The following RNF182 variants were observed in gnomAD, a reference collection of about 807,000 sequenced individuals.
RNF182 encodes E3 ubiquitin-protein ligase RNF182.
In RNF182, 15 loss-of-function variants were observed where a neutral mutation model predicts 14.4. The ratio of observed to expected loss-of-function variants is 1.04; its 90% CI spans 0.70 to 1.60. RNF182 has a LOEUF of 1.60. Ranked by LOEUF, RNF182 falls within the 40% of genes most tolerant of loss-of-function variation. The probability of loss-of-function intolerance (pLI) is 0.00; values close to 1 mark genes in which losing one functional copy is unlikely to be tolerated. For synonymous variants in RNF182, 128 were observed against 122.9 expected (o/e 1.04, Z -0.27); for missense variants, 268 against 294.8 (o/e 0.91, Z 0.67).
At position 13,937,665 on chromosome 6, in the gene RNF182, G is replaced by T. The variant is rs77195769; in HGVS notation, c.-367+12642G>T. Reference sequence around the variant, plus strand: ...ATGTGTATGTGAGCATTTCTGTTGTGCATCTGTGTAGAAGTAGAAAGGTCA... The same window carrying T: ...ATGTGTATGTGAGCATTTCTGTTGTTCATCTGTGTAGAAGTAGAAAGGTCA... On this transcript the variant is annotated intron_variant, in intron 1 of 2. Coordinates refer to ENST00000488300, the MANE Select transcript of RNF182 (RefSeq NM_152737.4). Among the ~76,000 whole-genome samples the T allele has an allele frequency of 8.3e-3, 1,266 of 152,264 alleles. 13 individuals are homozygous for T. Among genetic ancestry groups the T allele is most frequent in the African/African-American group, 0.029 (1,207 of 41,530 alleles).
rs767926144 is a variant in RNF182, at chr6:13,977,778, C to CT, written c.661dup (p.Ser221PhefsTer18). On this transcript the variant is annotated frameshift_variant, in exon 3 of 3. Coordinates refer to ENST00000488300, the MANE Select transcript of RNF182 (RefSeq NM_152737.4). LOFTEE classifies it high-confidence loss of function. Reference sequence around the variant, plus strand: ...GGGGTCGTCTTTGTCAGCCTGGTCCCTTCGAGCCTCGTTATTCTTATGGTG... The same window carrying CT: ...GGGGTCGTCTTTGTCAGCCTGGTCCCTTTCGAGCCTCGTTATTCTTATGGTG... 2 of 1,614,132 alleles carry CT rather than the reference C, an allele frequency of 1.2e-6. No individual in the cohort carries two copies. The highest frequency in any genetic ancestry group is 1.7e-6 in the Non-Finnish European group (2 of 1,180,020).
intron 1 of RNF182, among the ~76,000 whole-genome samples, chr6:13,925,959 C>T (rs543378113): frequency 6.6e-6 from 1 of 152,032 alleles, no homozygotes; most frequent in South Asian, 2.1e-4. Context: ...TAAATTGTGA[C>T]TGTGAAGACT....
chr6:13,933,179 A>G (rs2057536), intron 1 of RNF182, among the ~76,000 whole-genome samples: 88,168 of 151,876 alleles, frequency 0.58, 26,030 homozygotes, highest in East Asian at 0.81. Context: ...GGTAGTATTG[A>G]TTTTTTAATC....
intron 1 of RNF182, among the ~76,000 whole-genome samples, chr6:13,932,542 A>G (rs1167690694): frequency 6.6e-6 from 1 of 152,140 alleles, no homozygotes; most frequent in Non-Finnish European, 1.5e-5. Context: ...TCATATGTTT[A>G]TTGGGCAAAT....
At chr6:13,954,302 G>C (rs1461032312) in intron 1 of RNF182, among the ~76,000 whole-genome samples, 1 of 152,172 alleles carries the variant, frequency 6.6e-6, no homozygotes, top group East Asian at 1.9e-4. Context: ...ATTCCTTACT[G>C]TCATGAAATA....
chr6:13,965,315 C>T (rs184022658), intron 1 of RNF182, among the ~76,000 whole-genome samples: 97 of 151,992 alleles, frequency 6.4e-4, no homozygotes, highest in Admixed American at 6.0e-3. Flanking sequence ...GAATGGAAAC[C>T]ACAAAAGAAA....
intron 1 of RNF182, among the ~76,000 whole-genome samples, chr6:13,940,470 A>AT (rs947133184): frequency 4.6e-5 from 7 of 152,168 alleles, no homozygotes; most frequent in African/African-American, 1.7e-4. Context: ...CTCCCTTTTC[A>AT]TTTTTGATAT....
chr6:13,977,321 A>G lies in RNF182; in HGVS notation c.202A>G (p.Arg68Gly). 8 of 1,614,180 alleles carry G rather than the reference A, an allele frequency of 5.0e-6. No homozygotes were observed. The highest frequency in any genetic ancestry group is 1.1e-5 in the South Asian group (1 of 91,084). The change falls in exon 3 of 3, where the codon AGG (arginine) becomes GGG (glycine). Residue 68 changes from arginine (R) to glycine (G), a missense_variant. Physicochemically the swap from Arg to Gly is moderately radical, Grantham distance 125. Transcript: ENST00000488300. Reference protein sequence around the residue: ...PQGVIVCPFCRFETCLPDDEV... With the variant: ...PQGVIVCPFCGFETCLPDDEV... ...AGGTGTCATTGTCTGTCCTTTCTGC[A>G]GGTTTGAGACGTGCCTGCCAGATGA... is the stretch of plus-strand genomic sequence containing the variant.
intron 1 of RNF182, among the ~76,000 whole-genome samples, chr6:13,933,453 A>C (rs1056113027): frequency 6.6e-6 from 1 of 151,728 alleles, no homozygotes; most frequent in Non-Finnish European, 1.5e-5. Context: ...TGAGCTCAGG[A>C]GTTCAGGTTT....
In RNF182 at chr6:13,980,155, A is replaced by G. The variant is rs1423332832; in HGVS notation, c.*2292A>G. 1 of 152,120 alleles carries G rather than the reference A, an allele frequency of 6.6e-6. No homozygotes were observed. 9.4% of individuals were successfully genotyped at this position (152,120 alleles called of 1,614,324 possible). A position where few individuals can be genotyped will look rare whatever the true frequency, so the allele number is the denominator to read the frequency against. On this transcript the variant is annotated 3_prime_UTR_variant, in exon 3 of 3. Transcript: ENST00000488300. ...CCCGTGAAGACTTCAGAACTTTCCAACAAAGGGGACCTAACCCATCACACT... is the reference window on the plus strand; with the variant it reads ...CCCGTGAAGACTTCAGAACTTTCCAGCAAAGGGGACCTAACCCATCACACT...
chr6:13,977,659 A>G lies in RNF182; in HGVS notation c.540A>G (p.Thr180=), dbSNP rs773576357. ...VWNCTSLLFQ[T]SIRVLVWLLG... ...ACTGCACGTCCCTGCTGTTTCAGAC[A>G]TCCATCCGGGTGTTAGTGTGGTTGC... The change falls in exon 3 of 3, where the codon ACA becomes ACG. Residue 180 remains threonine, a synonymous_variant. Transcript: ENST00000488300. The G allele has an allele frequency of 1.2e-6, 2 of 1,614,202 alleles. No homozygotes were observed. The highest frequency in any genetic ancestry group is 1.1e-5 in the South Asian group (1 of 91,080).
intron 1 of RNF182, among the ~76,000 whole-genome samples, chr6:13,967,212 T>C (rs1415058588): frequency 6.6e-6 from 1 of 151,954 alleles, no homozygotes; most frequent in Non-Finnish European, 1.5e-5. Context: ...CCCAGGCAAA[T>C]GCGGAGTCAA....
chr6:13,934,782 G>A (rs1364735507), intron 1 of RNF182, among the ~76,000 whole-genome samples: 2 of 132,210 alleles, frequency 1.5e-5, no homozygotes, highest in African/African-American at 2.6e-5. Context: ...ATAAAATTGA[G>A]ATAATTAATG....
rs1169253099 is a variant in RNF182 at position 13,938,175 on chromosome 6, A to ATTT, written c.-367+13173_-367+13175dup. On this transcript the variant is annotated intron_variant, in intron 1 of 2. Coordinates refer to ENST00000488300, the MANE Select transcript of RNF182 (RefSeq NM_152737.4). ...CCACCATGCCTGGCTAATTTTTTGT[A>ATTT]TTTTTTTTTTTTTTTTTTTTTTTAG... Among the ~76,000 whole-genome samples the ATTT allele has an allele frequency of 5.8e-3, 539 of 92,692 alleles. 3 individuals are homozygous for ATTT. Among genetic ancestry groups the ATTT allele is most frequent in the East Asian group, 0.044 (130 of 2,942 alleles). The allele number at this position is 92,692 out of a possible 152,430, so 60.8% of individuals were successfully genotyped here.
chr6:13,973,183 T>A (rs971011374), intron 1 of RNF182, among the ~76,000 whole-genome samples: 2 of 152,220 alleles, frequency 1.3e-5, no homozygotes, highest in African/African-American at 4.8e-5. Context: ...TTTGACCAGT[T>A]TCTCCCATTT....
intron 1 of RNF182, chr6:13,949,305 G>C: frequency 2.6e-6 from 2 of 776,010 alleles, no homozygotes; most frequent in Non-Finnish European, 4.8e-6. Flanking sequence ...CTGACATGTG[G>C]GCATCCTGCG....
In RNF182 at chr6:13,978,072, T is replaced by G; in HGVS notation, c.*209T>G. Reference sequence around the variant, plus strand: ...TAGGGGTTAGCAAAATTGTATAAGCTCACACTTCATGGAGCACTGACAGCA... The same window carrying G: ...TAGGGGTTAGCAAAATTGTATAAGCGCACACTTCATGGAGCACTGACAGCA... On this transcript the variant is annotated 3_prime_UTR_variant, in exon 3 of 3. Transcript: ENST00000488300. 1 of 539,080 alleles carries G rather than the reference T, an allele frequency of 1.9e-6. No individual in the cohort carries two copies. The allele number at this position is 539,080 out of a possible 1,614,324, so 33.4% of individuals were successfully genotyped here.
chr6:13,979,431 A>G lies in RNF182; in HGVS notation c.*1568A>G, dbSNP rs529500742. Reference sequence around the variant, plus strand: ...TGTGTGATGCAGGTACAGTGCGCCCATTCCAACTGGAATAGCAGTTTGATT... The same window carrying G: ...TGTGTGATGCAGGTACAGTGCGCCCGTTCCAACTGGAATAGCAGTTTGATT... On this transcript the variant is annotated 3_prime_UTR_variant, in exon 3 of 3. Coordinates refer to ENST00000488300, the MANE Select transcript of RNF182 (RefSeq NM_152737.4). The G allele has an allele frequency of 2.4e-5, 4 of 167,206 alleles. No homozygotes were observed. Among genetic ancestry groups the G allele is most frequent in the African/African-American group, 9.6e-5 (4 of 41,590 alleles). The allele number at this position is 167,206 out of a possible 1,614,324, so 10.4% of individuals were successfully genotyped here.
At chr6:13,945,047 G>A (rs149884145) in intron 1 of RNF182, among the ~76,000 whole-genome samples, 397 of 152,278 alleles carry the variant, frequency 2.6e-3, no homozygotes, top group African/African-American at 8.8e-3. Flanking sequence ...CTTTCTTAGG[G>A]TGGAAATGCC....
Sources: allele counts gnomAD v4.1 joint callset (sites outside exome capture counted in the v4.1 genomes callset), GRCh38; gene constraint gnomAD v4.1.1; transcripts MANE v1.5; gene names NCBI Gene and HGNC (gene_info 2026-07-23, HGNC 2026-07-21).